The following LARGE1 variants were observed in gnomAD, a reference collection of about 807,000 sequenced individuals.
LARGE1 encodes the protein LARGE xylosyl- and glucuronyltransferase 1, also known as xylosyl- and glucuronyltransferase LARGE1.
In LARGE1, 43 loss-of-function variants were observed where a neutral mutation model predicts 87.6. The ratio of observed to expected loss-of-function variants is 0.49; its 90% CI spans 0.38 to 0.63. LARGE1 has a LOEUF of 0.63. Ranked by LOEUF, LARGE1 falls within the 30% of genes least tolerant of loss-of-function variation. LARGE1 has a pLI of 0.00. For synonymous variants in LARGE1, 434 were observed against 394.6 expected (o/e 1.10, Z -1.18); for missense variants, 802 against 1,000.2 (o/e 0.80, Z 2.67).
intron 6 of LARGE1, among the ~76,000 whole-genome samples, chr22:33,556,601 A>G (rs2077697404): frequency 9.9e-6 from 1 of 101,482 alleles, no homozygotes; most frequent in African/African-American, 3.2e-5. Context: ...GCAGGCAGGT[A>G]GGGAGGCAGG....
At chr22:33,896,489 G>C (rs2146865641) in intron 1 of LARGE1, among the ~76,000 whole-genome samples, 1 of 152,350 alleles carries the variant, frequency 6.6e-6, no homozygotes, top group East Asian at 1.9e-4. Context: ...GCACATTTGA[G>C]GCCAAAGTGT....
rs1031070217 is a variant in LARGE1, at chr22:33,704,963, C to CA, written c.107-54296dup. Reference sequence around the variant, plus strand: ...CAGAGGACCCACACTAAGGAGGACCCAGGCACAAGAAACCTGAGCTCAAAT... The same window carrying CA: ...CAGAGGACCCACACTAAGGAGGACCCAAGGCACAAGAAACCTGAGCTCAAAT... On this transcript the variant is annotated intron_variant, in intron 2 of 14. Coordinates refer to ENST00000397394, the MANE Select transcript of LARGE1 (RefSeq NM_133642.5). 9 of 152,446 alleles carry CA rather than the reference C, an allele frequency of 5.9e-5. 2 individuals carry two copies. The highest frequency in any genetic ancestry group is 6.5e-5 in the Admixed American group (1 of 15,312). 9.4% of individuals were successfully genotyped at this position (152,446 alleles called of 1,614,324 possible).
chr22:33,089,477 TCTTCC>T, the LARGE1 span, among the ~76,000 whole-genome samples: 4 of 150,838 alleles, frequency 2.7e-5, no homozygotes, highest in East Asian at 3.9e-4. Context: ...TTCTTCTTCC[TCTTCC>T]TCTTCCTCTT....
rs112995743 is a variant in LARGE1, at chr22:33,408,138, G to A, written c.893-23834C>T. On this transcript the variant is annotated intron_variant, in intron 7 of 14. Coordinates refer to ENST00000397394, the MANE Select transcript of LARGE1 (RefSeq NM_133642.5). Reference sequence around the variant, plus strand: ...TGGGATTACAGGCGTGCAACACCACGCCCAGCTAATTTTTTTTTGTATTTT... The same window carrying A: ...TGGGATTACAGGCGTGCAACACCACACCCAGCTAATTTTTTTTTGTATTTT... Among the ~76,000 whole-genome samples the A allele has an allele frequency of 5.5e-3, 840 of 151,936 alleles. 14 individuals are homozygous for A. The highest frequency in any genetic ancestry group is 0.019 in the African/African-American group (804 of 41,438).
chr22:33,549,452 G>A (rs1432106936), intron 6 of LARGE1, among the ~76,000 whole-genome samples: 1 of 152,172 alleles, frequency 6.6e-6, no homozygotes, highest in Non-Finnish European at 1.5e-5. Flanking sequence ...AACTGAATCT[G>A]TGCCCTTTTG....
intron 13 of LARGE1, among the ~76,000 whole-genome samples, chr22:33,278,734 T>C (rs2145846275): frequency 6.6e-6 from 1 of 152,234 alleles, no homozygotes; most frequent in Non-Finnish European, 1.5e-5. Flanking sequence ...ATTTTTTTAT[T>C]TTTTGGGATG....
intron 1 of LARGE1, among the ~76,000 whole-genome samples, chr22:33,886,766 A>T (rs2064863567): frequency 6.6e-6 from 1 of 152,018 alleles, no homozygotes; most frequent in South Asian, 2.1e-4. Context: ...AAAATTAAAA[A>T]ATTATTTTTA....
At chr22:33,829,846 C>T (rs1467738489) in intron 1 of LARGE1, among the ~76,000 whole-genome samples, 2 of 152,102 alleles carry the variant, frequency 1.3e-5, no homozygotes, top group East Asian at 1.9e-4. Context: ...GGAGGCAGCC[C>T]GGGTTGGAGT....
Position 33,306,397 on chromosome 22 carries a change from C to T in LARGE1, c.1452-1890G>A, listed in dbSNP as rs528305973. On this transcript the variant is annotated intron_variant, in intron 11 of 14. Transcript: ENST00000397394. ...TAATTTCTAGCATGTAGACATGAGA[C>T]CTGCTGAAGGAAGTGGGCGGAAGGA... Among the ~76,000 whole-genome samples the T allele has an allele frequency of 3.3e-5, 5 of 152,252 alleles. No individual in the cohort carries two copies. In the East Asian group the frequency reaches 9.7e-4, roughly 29 times the overall value.
chr22:33,792,493 G>A (rs1023643533), intron 1 of LARGE1, among the ~76,000 whole-genome samples: 1 of 152,122 alleles, frequency 6.6e-6, no homozygotes, highest in Non-Finnish European at 1.5e-5. Flanking sequence ...GCACAGTCTG[G>A]GGTATGTCTT....
chr22:33,892,700 G>A (rs2065034586), intron 1 of LARGE1, among the ~76,000 whole-genome samples: 1 of 152,240 alleles, frequency 6.6e-6, no homozygotes, highest in Non-Finnish European at 1.5e-5. Context: ...AGCAGCCACT[G>A]TGAATTCTAA....
intron 12 of LARGE1, among the ~76,000 whole-genome samples, chr22:33,288,975 T>G (rs1415683739): frequency 4.6e-5 from 7 of 151,858 alleles, no homozygotes; most frequent in African/African-American, 9.7e-5. Context: ...TTATTATTAT[T>G]TTAGACAGAG....
chr22:33,107,130 A>G, the LARGE1 span, among the ~76,000 whole-genome samples: 6 of 152,258 alleles, frequency 3.9e-5, no homozygotes, highest in South Asian at 6.2e-4. Context: ...TCCTATTTCA[A>G]TGATACTCTC....
chr22:33,359,584 G>A (rs546901732), intron 9 of LARGE1, among the ~76,000 whole-genome samples: 1 of 122,182 alleles, frequency 8.2e-6, no homozygotes, highest in Non-Finnish European at 1.7e-5. Context: ...TTTTTTTTGA[G>A]ATGGAGTCTC....
At chr22:33,106,117 T>C in the LARGE1 span, 1 of 152,252 alleles carries the variant, frequency 6.6e-6, no homozygotes, top group African/African-American at 2.4e-5. Context: ...TGTGGGCTGT[T>C]AACGGTGGAG....
At chr22:33,517,915 A>G (rs1187243129) in intron 6 of LARGE1, among the ~76,000 whole-genome samples, 1 of 152,242 alleles carries the variant, frequency 6.6e-6, no homozygotes, top group Admixed American at 6.5e-5. Flanking sequence ...AAAGTCAGAC[A>G]GCAGTGAGCA....
chr22:33,365,144 G>A (rs2064541118), intron 9 of LARGE1, among the ~76,000 whole-genome samples: 1 of 152,064 alleles, frequency 6.6e-6, no homozygotes, highest in East Asian at 1.9e-4. Flanking sequence ...GAGGACACAG[G>A]CCTTCCAAAG....
chr22:33,513,818 C>CACACAT (rs1257185581), intron 6 of LARGE1, among the ~76,000 whole-genome samples: 1 of 151,196 alleles, frequency 6.6e-6, no homozygotes, highest in East Asian at 1.9e-4. Flanking sequence ...GATGTACACA[C>CACACAT]ACACACACAC....
At chr22:33,564,248 A>G (rs934521988) in intron 6 of LARGE1, among the ~76,000 whole-genome samples, 9 of 152,198 alleles carry the variant, frequency 5.9e-5, no homozygotes, top group Admixed American at 3.9e-4. Flanking sequence ...CACTTCTCTC[A>G]CATATCCATG....
Sources: gnomAD v4.1 joint callset for allele counts (sites outside exome capture counted in the v4.1 genomes callset) on GRCh38, gnomAD v4.1.1 for gene constraint, MANE v1.5 for transcripts, NCBI Gene and HGNC (gene_info 2026-07-23, HGNC 2026-07-21) for gene names.